Variants in INPP4B observed in about 807,000 individuals in gnomAD.
INPP4B encodes inositol polyphosphate-4-phosphatase type II B.
In INPP4B, 55 loss-of-function variants were observed where a neutral mutation model predicts 122.5. The observed-to-expected ratio is 0.45, with a 90% CI of 0.36 to 0.56. INPP4B has a LOEUF of 0.56. Among genes scored for constraint, INPP4B ranks in the 20% least tolerant of loss-of-function variants. The pLI, the probability that INPP4B is intolerant of heterozygous loss-of-function variation, is 0.00. For synonymous variants in INPP4B, 403 were observed against 388.7 expected, an observed-to-expected ratio of 1.04 and a Z score of -0.43; for missense variants, 1,000 against 1,097.7, an observed-to-expected ratio of 0.91 and a Z score of 1.26.
intron 2 of INPP4B, among the ~76,000 whole-genome samples, chr4:142,529,871 C>T (rs1827375058): frequency 6.6e-6 from 1 of 151,844 alleles, no homozygotes; most frequent in African/African-American, 2.4e-5. Context: ...CTACATCTCA[C>T]CAAAGTTCTG....
At chr4:142,393,416 C>T (rs1250695796) in intron 7 of INPP4B, among the ~76,000 whole-genome samples, 4 of 152,118 alleles carry the variant, frequency 2.6e-5, no homozygotes, top group African/African-American at 7.2e-5. Context: ...CTCCTGTAAA[C>T]AGGATGTTTC....
At chr4:142,215,108 G>A (rs921258248) in intron 12 of INPP4B, among the ~76,000 whole-genome samples, 2 of 152,056 alleles carry the variant, frequency 1.3e-5, no homozygotes, top group Non-Finnish European at 2.9e-5. Context: ...AAACTCCCAG[G>A]ATGCTACGGT....
chr4:142,625,744 A>G (rs561528348), intron 2 of INPP4B, among the ~76,000 whole-genome samples: 60 of 152,178 alleles, frequency 3.9e-4, no homozygotes, highest in Admixed American at 8.5e-4. Context: ...ACTACAATGC[A>G]ACAGTAACCA....
At chr4:142,685,819 A>T (rs1759263647) in intron 2 of INPP4B, among the ~76,000 whole-genome samples, 1 of 152,148 alleles carries the variant, frequency 6.6e-6, no homozygotes, top group African/African-American at 2.4e-5. Context: ...TAACATTTTT[A>T]AAATATGTGT....
At chr4:142,068,777 G>C (rs909176769) in intron 25 of INPP4B, among the ~76,000 whole-genome samples, 1 of 152,178 alleles carries the variant, frequency 6.6e-6, no homozygotes, top group Non-Finnish European at 1.5e-5. Flanking sequence ...AACAAGAAGA[G>C]CTAACTATCT....
At chr4:142,723,379 C>T (rs911064190) in intron 2 of INPP4B, among the ~76,000 whole-genome samples, 17 of 152,000 alleles carry the variant, frequency 1.1e-4, no homozygotes, top group African/African-American at 3.1e-4. Context: ...AACAGAATCA[C>T]GGTCTGTATT....
At chr4:142,280,751 G>A (rs3102438) in intron 9 of INPP4B, among the ~76,000 whole-genome samples, 116,310 of 151,868 alleles carry the variant, frequency 0.77, 45,672 homozygotes, top group East Asian at 0.93. Context: ...CAAAAAAATC[G>A]CACAGCCATT....
chr4:142,634,957 T>G (rs917541027), intron 2 of INPP4B, among the ~76,000 whole-genome samples: 5 of 152,084 alleles, frequency 3.3e-5, no homozygotes, highest in Admixed American at 2.0e-4. Flanking sequence ...AGTTATGTTA[T>G]GCATCTGACG....
intron 17 of INPP4B, among the ~76,000 whole-genome samples, chr4:142,159,927 T>G (rs1208274909): frequency 3.3e-5 from 5 of 152,042 alleles, no homozygotes; most frequent in Non-Finnish European, 7.4e-5. Context: ...ATGTCTATTG[T>G]CGTTTAAATG....
At chr4:142,842,931 A>G (rs1249004154) in intron 1 of INPP4B, among the ~76,000 whole-genome samples, 1 of 140,926 alleles carries the variant, frequency 7.1e-6, no homozygotes, top group Non-Finnish European at 1.5e-5. Flanking sequence ...TATATAATAT[A>G]CTGGATATAT....
At chr4:142,625,992 T>C (rs964602648) in intron 2 of INPP4B, among the ~76,000 whole-genome samples, 21 of 152,262 alleles carry the variant, frequency 1.4e-4, no homozygotes, top group Non-Finnish European at 2.8e-4. Flanking sequence ...TCAGGATGGA[T>C]TAAAGACTTA....
chr4:142,823,605 C>T (rs191844261), intron 1 of INPP4B, among the ~76,000 whole-genome samples: 3 of 152,110 alleles, frequency 2.0e-5, no homozygotes, highest in South Asian at 2.1e-4. Context: ...GCTGTTTATA[C>T]GTCATATAAG....
intron 12 of INPP4B, among the ~76,000 whole-genome samples, chr4:142,218,036 T>TTGTG (rs4054980): frequency 0.61 from 91,591 of 149,018 alleles, 31,566 homozygotes; most frequent in Non-Finnish European, 0.77. Context: ...TTCTAATAAA[T>TTGTG]TGTGTGTGTG....
chr4:142,807,065 A>T (rs1438072817), intron 1 of INPP4B, among the ~76,000 whole-genome samples: 2 of 152,114 alleles, frequency 1.3e-5, no homozygotes, highest in Non-Finnish European at 2.9e-5. Flanking sequence ...TTTGCTATAA[A>T]TTTTTTGTGT....
At chr4:142,488,308 G>A (rs1821439826) in intron 2 of INPP4B, among the ~76,000 whole-genome samples, 1 of 151,876 alleles carries the variant, frequency 6.6e-6, no homozygotes, top group African/African-American at 2.4e-5. Context: ...CCAATATTTT[G>A]TTAAGAGCTT....
chr4:142,616,211 G>A (rs1447015669), intron 2 of INPP4B, among the ~76,000 whole-genome samples: 1 of 152,118 alleles, frequency 6.6e-6, no homozygotes, highest in Non-Finnish European at 1.5e-5. Flanking sequence ...GTCTATCTCA[G>A]TGTGGTGATG....
At chr4:142,718,111 A>G (rs1764040148) in intron 2 of INPP4B, among the ~76,000 whole-genome samples, 1 of 152,132 alleles carries the variant, frequency 6.6e-6, no homozygotes, top group African/African-American at 2.4e-5. Context: ...TGGGTGAGGA[A>G]TCGACTGGAA....
chr4:142,345,453 T>C (rs1192660501), intron 7 of INPP4B, among the ~76,000 whole-genome samples: 1 of 152,042 alleles, frequency 6.6e-6, no homozygotes, highest in Non-Finnish European at 1.5e-5. Flanking sequence ...GTGTATACCA[T>C]GCATTCAGAG....
intron 5 of INPP4B, among the ~76,000 whole-genome samples, chr4:142,412,166 T>A (rs890835573): frequency 6.6e-6 from 1 of 152,160 alleles, no homozygotes; most frequent in Admixed American, 6.5e-5. Flanking sequence ...CAATAAATTA[T>A]TGGACTCCAT....
Sources: allele counts gnomAD v4.1 joint callset (sites outside exome capture counted in the v4.1 genomes callset), GRCh38; gene constraint gnomAD v4.1.1; transcripts MANE v1.5; gene names NCBI Gene and HGNC (gene_info 2026-07-23, HGNC 2026-07-21).